AGBL4: variants seen among roughly 807,000 people sequenced by gnomAD.
The protein encoded by AGBL4 is cytosolic carboxypeptidase 6.
AGBL4 carries 58 observed loss-of-function variants against 66.4 expected under a neutral mutation model. The observed-to-expected ratio is 0.87, with a 90% confidence interval of 0.71 to 1.09. The LOEUF is 1.09. Among genes scored for constraint, AGBL4 ranks in the 50% least tolerant of loss-of-function variants. AGBL4 has a pLI of 0.00. For synonymous variants in AGBL4, 234 were observed against 222.9 expected (o/e 1.05, Z -0.44); for missense variants, 579 against 631.0 (o/e 0.92, Z 0.88).
intron 3 of AGBL4, among the ~76,000 whole-genome samples, chr1:49,637,258 C>G (rs1571222920): frequency 1.3e-5 from 2 of 151,874 alleles, no homozygotes; most frequent in East Asian, 3.9e-4. Context: ...AGAACCCTGA[C>G]TAATACAGCA....
intron 3 of AGBL4, among the ~76,000 whole-genome samples, chr1:49,587,552 TAA>T (rs1644674459): frequency 6.6e-6 from 1 of 152,172 alleles, no homozygotes; most frequent in South Asian, 2.1e-4. Context: ...TGGCTTGAAC[TAA>T]ATTAAATACC....
At chr1:49,778,314 C>T (rs940199807) in intron 2 of AGBL4, among the ~76,000 whole-genome samples, 5 of 152,162 alleles carry the variant, frequency 3.3e-5, no homozygotes, top group African/African-American at 1.2e-4. Flanking sequence ...AGGCCACTCT[C>T]CTCACCCGCA....
chr1:49,778,520 G>T (rs1644255093), intron 2 of AGBL4, among the ~76,000 whole-genome samples: 1 of 152,128 alleles, frequency 6.6e-6, no homozygotes, highest in East Asian at 1.9e-4. Context: ...ACTTGGTGGT[G>T]AGCAATAAAG....
intron 3 of AGBL4, among the ~76,000 whole-genome samples, chr1:49,279,320 T>A (rs1644230983): frequency 6.6e-6 from 1 of 152,186 alleles, no homozygotes; most frequent in Non-Finnish European, 1.5e-5. Context: ...AGGATTAGGA[T>A]GACAAAGCCA....
intron 3 of AGBL4, among the ~76,000 whole-genome samples, chr1:49,560,329 T>A (rs1047204427): frequency 3.9e-5 from 6 of 151,992 alleles, no homozygotes; most frequent in Non-Finnish European, 7.4e-5. Flanking sequence ...AAAACTCAAT[T>A]CATGTACTGA....
At chr1:49,237,532 A>T (rs1450662486) in intron 4 of AGBL4, among the ~76,000 whole-genome samples, 2 of 2,034 alleles carry the variant, frequency 9.8e-4, no homozygotes, top group African/African-American at 1.3e-3. Flanking sequence ...ATATATATAT[A>T]TATATATATA....
chr1:49,319,815 A>G (rs892479135), intron 3 of AGBL4, among the ~76,000 whole-genome samples: 1 of 152,218 alleles, frequency 6.6e-6, no homozygotes, highest in Non-Finnish European at 1.5e-5. Context: ...AGAGGAGGCT[A>G]AATTCATCCT....
intron 2 of AGBL4, among the ~76,000 whole-genome samples, chr1:49,697,742 A>T (rs1404569362): frequency 6.6e-6 from 1 of 152,128 alleles, no homozygotes; most frequent in Non-Finnish European, 1.5e-5. Context: ...CCTATAAACC[A>T]AGAGAAGAAT....
intron 5 of AGBL4, among the ~76,000 whole-genome samples, chr1:48,933,234 A>G (rs2148905283): frequency 6.6e-6 from 1 of 152,334 alleles, no homozygotes; most frequent in Non-Finnish European, 1.5e-5. Context: ...ATATACACAT[A>G]TATATGGTAT....
At chr1:49,964,346 A>G (rs1243904008) in intron 1 of AGBL4, among the ~76,000 whole-genome samples, 1 of 152,170 alleles carries the variant, frequency 6.6e-6, no homozygotes, top group African/African-American at 2.4e-5. Flanking sequence ...TGGAAGTAAT[A>G]ATACCAACTT....
chr1:49,206,684 AC>A (rs1648159212), intron 4 of AGBL4, among the ~76,000 whole-genome samples: 2 of 152,096 alleles, frequency 1.3e-5, no homozygotes, highest in East Asian at 3.9e-4. Flanking sequence ...CATACACTGC[AC>A]CTGCGTCACT....
At chr1:48,672,220 C>T (rs1646287746) in intron 6 of AGBL4, among the ~76,000 whole-genome samples, 1 of 152,242 alleles carries the variant, frequency 6.6e-6, no homozygotes, top group South Asian at 2.1e-4. Flanking sequence ...TAAGAGCCCT[C>T]TCCTGCTTTC....
At chr1:49,785,622 G>A (rs920025306) in intron 2 of AGBL4, among the ~76,000 whole-genome samples, 1 of 151,598 alleles carries the variant, frequency 6.6e-6, no homozygotes, top group African/African-American at 2.4e-5. Context: ...ATATACAATG[G>A]GATTTTTAAT....
intron 3 of AGBL4, among the ~76,000 whole-genome samples, chr1:49,440,752 T>C (rs548881065): frequency 2.0e-5 from 3 of 152,038 alleles, no homozygotes; most frequent in Non-Finnish European, 2.9e-5. Flanking sequence ...TGACCTGCAA[T>C]GAAAGGTGCA....
At position 49,163,748 on chromosome 1, in the gene AGBL4, G is replaced by A. The variant is rs117341367; in HGVS notation, c.377+82022C>T. Among the ~76,000 whole-genome samples, 1,139 of 152,228 alleles carry A rather than the reference G, an allele frequency of 7.5e-3. 10 individuals are homozygous for A. The highest frequency in any genetic ancestry group is 0.027 in the Middle Eastern group (8 of 294). ...AAAGATGAATACAGCTTAAAAGGAG[G>A]CTAAAGAAGAGATAGTTTACCAGGT... On this transcript the variant is annotated intron_variant, in intron 4 of 13. Transcript: ENST00000371839.
At position 49,552,939 on chromosome 1, in the gene AGBL4, C is replaced by T. The variant is rs369826175; in HGVS notation, c.282+144374G>A. Among the ~76,000 whole-genome samples, 52 of 152,180 alleles carry T rather than the reference C, an allele frequency of 3.4e-4. 1 individual carries two copies. The South Asian group carries it at 9.5e-3, about 28-fold the overall frequency. On this transcript the variant is annotated intron_variant, in intron 3 of 13. Transcript: ENST00000371839. Reference sequence around the variant, plus strand: ...TTATTATTAATTAGACAAATATTCACTAAATACCTAATATTTGTATTAGGC... The same window carrying T: ...TTATTATTAATTAGACAAATATTCATTAAATACCTAATATTTGTATTAGGC...
intron 2 of AGBL4, among the ~76,000 whole-genome samples, chr1:49,702,150 A>G (rs895633357): frequency 6.6e-6 from 1 of 152,222 alleles, no homozygotes; most frequent in African/African-American, 2.4e-5. Flanking sequence ...TCTATGTCCA[A>G]ATGTTTTCAC....
At chr1:48,803,960 T>C (rs975172644) in intron 6 of AGBL4, among the ~76,000 whole-genome samples, 2 of 152,230 alleles carry the variant, frequency 1.3e-5, no homozygotes, top group African/African-American at 4.8e-5. Flanking sequence ...TTGGATACTT[T>C]GCTTAACCTC....
chr1:48,653,236 C>G, intron 8 of AGBL4, 101 bp downstream of exon 8: 1 of 894,888 alleles, frequency 1.1e-6, no homozygotes, highest in Non-Finnish European at 1.7e-6. Context: ...TCATGGGCAG[C>G]CTCAAAATTC....
Sources: gnomAD v4.1 joint callset for allele counts (sites outside exome capture counted in the v4.1 genomes callset) on GRCh38, gnomAD v4.1.1 for gene constraint, MANE v1.5 for transcripts, NCBI Gene and HGNC (gene_info 2026-07-23, HGNC 2026-07-21) for gene names.